HMGB1: variants seen among roughly 807,000 people sequenced by gnomAD.
The protein encoded by HMGB1 is high mobility group box 1.
For missense variants in HMGB1, 79 were observed against 253.5 expected, an observed-to-expected ratio of 0.31 and a Z score of 4.67; for synonymous variants, 81 against 84.0, an observed-to-expected ratio of 0.96 and a Z score of 0.19.
chr13:30,531,757 C>T (rs1008973682), intron 1 of HMGB1, among the ~76,000 whole-genome samples: 2 of 151,482 alleles, frequency 1.3e-5, no homozygotes, highest in Non-Finnish European at 2.9e-5. Flanking sequence ...ATTAGCTGGG[C>T]GTGGTGGTGG....
At chr13:30,609,667 TTC>T (rs1454141699) in intron 1 of HMGB1, among the ~76,000 whole-genome samples, 1 of 152,126 alleles carries the variant, frequency 6.6e-6, no homozygotes. Flanking sequence ...TAGTGGTGAT[TTC>T]TGAGATTTTA....
At chr13:30,489,757 C>CG (rs1566003852) in intron 1 of HMGB1, among the ~76,000 whole-genome samples, 2 of 134,846 alleles carry the variant, frequency 1.5e-5, no homozygotes, top group Admixed American at 1.6e-4. Flanking sequence ...TTTCCTGAGA[C>CG]GGAGTCTCGC....
intron 1 of HMGB1, among the ~76,000 whole-genome samples, chr13:30,547,243 T>C (rs1278505817): frequency 6.6e-6 from 1 of 152,272 alleles, no homozygotes; most frequent in Non-Finnish European, 1.5e-5. Context: ...TTCCCAAATA[T>C]TATTTGAGAA....
chr13:30,464,230 G>C (rs899858124), intron 1 of HMGB1: 9 of 985,360 alleles, frequency 9.1e-6, no homozygotes, highest in Non-Finnish European at 1.1e-5. Flanking sequence ...GCAGCAGCCA[G>C]CTCCGGTGCT....
intron 1 of HMGB1, among the ~76,000 whole-genome samples, chr13:30,548,376 A>G (rs371436174): frequency 2.6e-5 from 4 of 152,200 alleles, no homozygotes; most frequent in African/African-American, 9.7e-5. Flanking sequence ...AGCCATGCTG[A>G]ACTGTGAGTC....
At chr13:30,557,484 A>G (rs557138352) in intron 1 of HMGB1, among the ~76,000 whole-genome samples, 112 of 152,334 alleles carry the variant, frequency 7.4e-4, no homozygotes, top group African/African-American at 2.5e-3. Context: ...ACCATGTTTC[A>G]TGTCTCTGCG....
intron 1 of HMGB1, among the ~76,000 whole-genome samples, chr13:30,579,905 C>A (rs1375408763): frequency 6.6e-6 from 1 of 152,136 alleles, no homozygotes; most frequent in East Asian, 1.9e-4. Context: ...ATGACTACTG[C>A]TTAAAATGAA....
In HMGB1 at chr13:30,459,372, T is replaced by C. The variant is rs961653193; in HGVS notation, c.*1985A>G. ...CATCTTAAAAAAATGGTAGTTGTCA[T>C]GACGTACCTACTAAAGTTACAAATT... On this transcript the variant is annotated 3_prime_UTR_variant, in exon 5 of 5. Coordinates refer to ENST00000341423, the MANE Select transcript of HMGB1 (RefSeq NM_002128.7). 2.0e-5 allele frequency: 3 copies of C among 152,312 alleles called. No individual in the cohort carries two copies. Among genetic ancestry groups the C allele is most frequent in the Admixed American group, 6.5e-5 (1 of 15,296 alleles). 9.4% of individuals were successfully genotyped at this position (152,312 alleles called of 1,614,324 possible).
intron 1 of HMGB1, among the ~76,000 whole-genome samples, chr13:30,545,560 C>G (rs578083309): frequency 1.9e-4 from 29 of 152,260 alleles, no homozygotes; most frequent in African/African-American, 6.7e-4. Flanking sequence ...CCATTCTCAG[C>G]AGTGCCCAGT....
At chr13:30,519,948 G>C (rs1445668020) in intron 1 of HMGB1, among the ~76,000 whole-genome samples, 1 of 152,104 alleles carries the variant, frequency 6.6e-6, no homozygotes, top group Admixed American at 6.6e-5. Context: ...TTTAGACTTA[G>C]ATTTTTAAAA....
intron 1 of HMGB1, among the ~76,000 whole-genome samples, chr13:30,524,461 G>A (rs1195598059): frequency 2.0e-5 from 3 of 151,906 alleles, no homozygotes; most frequent in Non-Finnish European, 2.9e-5. Context: ...CGTGGTGGAC[G>A]GTGAAGGGGA....
At chr13:30,584,687 G>A (rs576343422) in intron 1 of HMGB1, among the ~76,000 whole-genome samples, 1 of 152,232 alleles carries the variant, frequency 6.6e-6, no homozygotes, top group African/African-American at 2.4e-5. Flanking sequence ...GATTTTTGCA[G>A]TATTTTCTAA....
chr13:30,609,232 C>G (rs1157335245), intron 1 of HMGB1, among the ~76,000 whole-genome samples: 3 of 152,168 alleles, frequency 2.0e-5, no homozygotes, highest in Non-Finnish European at 4.4e-5. Flanking sequence ...TGCACTCCAG[C>G]CTGGGTGACA....
intron 1 of HMGB1, chr13:30,541,628 G>C (rs1332829594): frequency 6.5e-6 from 1 of 153,584 alleles, no homozygotes; most frequent in Admixed American, 6.5e-5. Flanking sequence ...AGAACAAGGA[G>C]TTGACCCCTA....
intron 1 of HMGB1, among the ~76,000 whole-genome samples, chr13:30,551,555 A>G (rs1869429719): frequency 6.6e-6 from 1 of 152,198 alleles, no homozygotes; most frequent in Non-Finnish European, 1.5e-5. Flanking sequence ...GACCATTTAA[A>G]CACAAAAGAT....
chr13:30,547,184 A>G (rs1427342670), intron 1 of HMGB1, among the ~76,000 whole-genome samples: 1 of 152,250 alleles, frequency 6.6e-6, no homozygotes, highest in Admixed American at 6.5e-5. Context: ...TACAGTTTTA[A>G]GAAAATTTTA....
chr13:30,561,316 A>C (rs1188699498), intron 1 of HMGB1, among the ~76,000 whole-genome samples: 1 of 152,164 alleles, frequency 6.6e-6, no homozygotes, highest in Non-Finnish European at 1.5e-5. Flanking sequence ...GGTAGCTGAG[A>C]TCACCTAGCT....
intron 1 of HMGB1, among the ~76,000 whole-genome samples, chr13:30,602,621 T>C (rs1429138196): frequency 6.6e-6 from 1 of 152,234 alleles, no homozygotes; most frequent in Non-Finnish European, 1.5e-5. Flanking sequence ...TTAGAATTTA[T>C]ATGAGTAGCA....
intron 1 of HMGB1, among the ~76,000 whole-genome samples, chr13:30,510,556 C>A (rs1487036325): frequency 6.6e-6 from 1 of 151,910 alleles, no homozygotes; most frequent in African/African-American, 2.4e-5. Flanking sequence ...TTCCATCCTT[C>A]TGACCTTGTT....
Sources: allele counts gnomAD v4.1 joint callset (sites outside exome capture counted in the v4.1 genomes callset), GRCh38; gene constraint gnomAD v4.1.1; transcripts MANE v1.5; gene names NCBI Gene and HGNC (gene_info 2026-07-23, HGNC 2026-07-21).